VOPP1: variants seen among roughly 807,000 people sequenced by gnomAD.
The protein encoded by VOPP1 is WW domain binding protein VOPP1.
Under a neutral mutation model 23.5 loss-of-function variants are expected in VOPP1, and 8 were observed. That is an observed-to-expected ratio of 0.34 (90% CI 0.20 to 0.61). The LOEUF (loss-of-function observed/expected upper bound fraction) is 0.61. Ranked by LOEUF, VOPP1 falls within the 20% of genes least tolerant of loss-of-function variation. The pLI, the probability that VOPP1 is intolerant of heterozygous loss-of-function variation, is 0.78. For missense variants in VOPP1, 174 were observed against 238.1 expected (o/e 0.73, Z 1.77); for synonymous variants, 83 against 97.3 (o/e 0.85, Z 0.86).
intron 2 of VOPP1, among the ~76,000 whole-genome samples, chr7:55,517,833 A>C (rs1015398171): frequency 6.6e-6 from 1 of 152,140 alleles, no homozygotes; most frequent in African/African-American, 2.4e-5. Context: ...TCATGACCCC[A>C]ACTTGATGGA....
At chr7:55,447,316 C>T (rs1791125705) in intron 4 of VOPP1, among the ~76,000 whole-genome samples, 1 of 152,178 alleles carries the variant, frequency 6.6e-6, no homozygotes, top group Non-Finnish European at 1.5e-5. Flanking sequence ...TACCTCCCTG[C>T]GCTTACCCGG....
At chr7:55,521,680 T>C (rs1795869988) in intron 1 of VOPP1, 2 of 987,132 alleles carry the variant, frequency 2.0e-6, no homozygotes, top group African/African-American at 1.7e-5. Context: ...CTCCTGGGCT[T>C]TCCAGGTAAG....
At chr7:55,445,791 G>A (rs1431540627) in intron 4 of VOPP1, among the ~76,000 whole-genome samples, 2 of 152,006 alleles carry the variant, frequency 1.3e-5, no homozygotes, top group African/African-American at 4.8e-5. Context: ...GCCACATATG[G>A]GTATTTATTA....
At chr7:55,451,404 C>T (rs1466725213) in intron 4 of VOPP1, among the ~76,000 whole-genome samples, 1 of 152,218 alleles carries the variant, frequency 6.6e-6, no homozygotes, top group Non-Finnish European at 1.5e-5. Context: ...TGGTTGCCCA[C>T]TACATATAGA....
At chr7:55,511,221 G>A (rs1403043966) in intron 2 of VOPP1, among the ~76,000 whole-genome samples, 3 of 152,208 alleles carry the variant, frequency 2.0e-5, no homozygotes. Context: ...TGCTGGCGGG[G>A]ACAGTTTGAA....
At chr7:55,524,096 G>A (rs1211422466) in intron 1 of VOPP1, among the ~76,000 whole-genome samples, 1 of 152,120 alleles carries the variant, frequency 6.6e-6, no homozygotes, top group African/African-American at 2.4e-5. Context: ...ACTCTTCTGG[G>A]AGCCCTTCCT....
intron 1 of VOPP1, among the ~76,000 whole-genome samples, chr7:55,557,084 T>C (rs957783944): frequency 1.3e-5 from 2 of 152,156 alleles, no homozygotes; most frequent in African/African-American, 4.8e-5. Context: ...TTCTTCGGAG[T>C]TGGTGTTTCT....
intron 1 of VOPP1, among the ~76,000 whole-genome samples, chr7:55,550,646 C>T (rs182798983): frequency 4.9e-4 from 74 of 152,234 alleles, no homozygotes; most frequent in African/African-American, 1.4e-3. Context: ...CAGGGGCACT[C>T]GCGAGTCCAC....
intron 2 of VOPP1, among the ~76,000 whole-genome samples, chr7:55,500,208 G>C (rs1242564230): frequency 1.3e-5 from 2 of 152,190 alleles, no homozygotes; most frequent in African/African-American, 4.8e-5. Flanking sequence ...TCAGTGGGCA[G>C]GACCCTGTGA....
Position 55,498,132 on chromosome 7 carries a change from C to CA in VOPP1, c.114-443dup, listed in dbSNP as rs373083680. Among the ~76,000 whole-genome samples, 3 of 152,394 alleles carry CA rather than the reference C, an allele frequency of 2.0e-5. No individual in the cohort carries two copies. In the East Asian group the frequency reaches 5.8e-4, roughly 29 times the overall value. ...CCACCACATCCACTGAGGCTAAAAGCAGAGGCTGTGGAGTTAGATAAATTG... is the reference window on the plus strand; with the variant it reads ...CCACCACATCCACTGAGGCTAAAAGCAAGAGGCTGTGGAGTTAGATAAATTG... On this transcript the variant is annotated intron_variant, in intron 2 of 4. Coordinates refer to ENST00000285279, the MANE Select transcript of VOPP1 (RefSeq NM_030796.5).
Position 55,492,337 on chromosome 7 carries a change from G to C in VOPP1, c.273C>G (p.Ile91Met), listed in dbSNP as rs367980617. Residue 91 changes from isoleucine to methionine, a missense_variant, in exon 4 of 5, where the codon ATC becomes ATG. Coordinates refer to ENST00000285279, the MANE Select transcript of VOPP1 (RefSeq NM_030796.5). The part of the protein sequence containing the change: ...IRRRMYPPPL[I>M]EEPAFNVSYT... ...AGGACACATTGAAGGCTGGCTCCTC[G>C]ATCAGCGGCGGGGGGTACATGCGCC... 1.9e-6 allele frequency: 3 copies of C among 1,610,240 alleles called. No homozygotes were observed. The highest frequency in any genetic ancestry group is 2.2e-5 in the South Asian group (2 of 90,306).
intron 4 of VOPP1, among the ~76,000 whole-genome samples, chr7:55,449,367 C>T (rs1791183700): frequency 6.6e-6 from 1 of 152,106 alleles, no homozygotes; most frequent in African/African-American, 2.4e-5. Flanking sequence ...CTGCCTCGTC[C>T]GAACCCCTCT....
chr7:55,540,083 CAT>C (rs778665373), intron 1 of VOPP1, among the ~76,000 whole-genome samples: 3 of 152,080 alleles, frequency 2.0e-5, no homozygotes, highest in South Asian at 2.1e-4. Context: ...CTAGGTAACA[CAT>C]GTCTGTTTAG....
downstream of VOPP1, among the ~76,000 whole-genome samples, chr7:55,470,124 C>A (rs1208919857): frequency 1.3e-5 from 2 of 152,198 alleles, no homozygotes; most frequent in African/African-American, 4.8e-5. Flanking sequence ...TAAAATACAT[C>A]TTGAGAGGCT....
At chr7:55,524,999 A>G (rs1796084203) in intron 1 of VOPP1, among the ~76,000 whole-genome samples, 1 of 152,118 alleles carries the variant, frequency 6.6e-6, no homozygotes, top group Non-Finnish European at 1.5e-5. Context: ...GCACGCAGAT[A>G]TGGCCTCACA....
chr7:55,548,900 A>G (rs536012293), intron 1 of VOPP1, among the ~76,000 whole-genome samples: 1 of 152,356 alleles, frequency 6.6e-6, no homozygotes, highest in Non-Finnish European at 1.5e-5. Context: ...CCCAAACCCA[A>G]CAAAATCCAC....
intron 4 of VOPP1, among the ~76,000 whole-genome samples, chr7:55,482,238 T>C (rs915137774): frequency 3.3e-5 from 5 of 152,220 alleles, no homozygotes; most frequent in Middle Eastern, 3.4e-3. Flanking sequence ...TGTATATTTC[T>C]TCTTCCACTG....
intron 1 of VOPP1, among the ~76,000 whole-genome samples, chr7:55,568,730 G>A (rs143122678): frequency 1.1e-4 from 17 of 152,278 alleles, no homozygotes; most frequent in Non-Finnish European, 2.4e-4. Context: ...CCAGGGAGGT[G>A]CATATGCTTA....
chr7:55,515,924 G>T, intron 2 of VOPP1: 1 of 971,910 alleles, frequency 1.0e-6, no homozygotes, highest in Non-Finnish European at 1.2e-6. Context: ...ATGCTCCTCG[G>T]TCAGTTCCTA....
Sources: gnomAD v4.1 joint callset for allele counts (sites outside exome capture counted in the v4.1 genomes callset) on GRCh38, gnomAD v4.1.1 for gene constraint, MANE v1.5 for transcripts, NCBI Gene and HGNC (gene_info 2026-07-23, HGNC 2026-07-21) for gene names.